The following CTDSPL variants were observed in gnomAD, a reference collection of about 807,000 sequenced individuals.
CTDSPL encodes CTD small phosphatase like.
Under a neutral mutation model 30.5 loss-of-function variants are expected in CTDSPL, and 8 were observed. That is an observed-to-expected ratio of 0.26 (90% CI 0.15 to 0.47). The LOEUF (loss-of-function observed/expected upper bound fraction) is 0.47. Among genes scored for constraint, CTDSPL ranks in the 20% least tolerant of loss-of-function variants. The pLI is 0.99. For missense variants in CTDSPL, 248 were observed against 366.1 expected, an observed-to-expected ratio of 0.68 and a Z score of 2.63; for synonymous variants, 110 against 137.9, an observed-to-expected ratio of 0.80 and a Z score of 1.42.
At position 37,980,989 on chromosome 3, in the gene CTDSPL, A is replaced by G. The variant is rs1472657231; in HGVS notation, c.*122A>G. 4 of 1,188,102 alleles carry G rather than the reference A, an allele frequency of 3.4e-6. No individual in the cohort carries two copies. Among genetic ancestry groups the G allele is most frequent in the African/African-American group, 3.1e-5 (2 of 64,860 alleles). 73.6% of individuals were successfully genotyped at this position (1,188,102 alleles called of 1,614,324 possible). The stretch of plus-strand genomic sequence containing the variant: ...ACTCCGTGCTCCAGGCCACAGGGTG[A>G]ATGTGGCCATGCCTACCTGTTTTGT... On this transcript the variant is annotated 3_prime_UTR_variant, in exon 8 of 8. Coordinates refer to ENST00000273179, the MANE Select transcript of CTDSPL (RefSeq NM_001008392.2).
intron 1 of CTDSPL, among the ~76,000 whole-genome samples, chr3:37,881,435 A>C (rs961722076): frequency 6.6e-6 from 1 of 152,186 alleles, no homozygotes; most frequent in African/African-American, 2.4e-5. Flanking sequence ...AGGCTGAGGC[A>C]GGAGAATCGC....
At position 37,984,333 on chromosome 3, in the gene CTDSPL, A is replaced by G. The variant is rs1316467036; in HGVS notation, c.*3466A>G. The stretch of plus-strand genomic sequence containing the variant: ...GGGTAGTCATGGATTTCTGCTGGAC[A>G]TTTGAATGTGATAAACAATCCAGCA... On this transcript the variant is annotated 3_prime_UTR_variant, in exon 8 of 8. Transcript: ENST00000273179. The G allele has an allele frequency of 4.4e-6, 2 of 456,382 alleles. No homozygotes were observed. The highest frequency in any genetic ancestry group is 8.8e-6 in the Non-Finnish European group (2 of 226,866). The allele number at this position is 456,382 out of a possible 1,614,324, so 28.3% of individuals were successfully genotyped here. A position where few individuals can be genotyped will look rare whatever the true frequency, so the allele number is the denominator to read the frequency against.
intron 3 of CTDSPL, among the ~76,000 whole-genome samples, chr3:37,961,265 TTAGGGCCTTCCTTAGTGGGAAGCTTCA>T (rs1429700822): frequency 6.6e-6 from 1 of 152,218 alleles, no homozygotes; most frequent in Admixed American, 6.5e-5. Flanking sequence ...GAGCCAGGAT[TTAGGGCCTTCCTTAGTGGGAAGCTTCA>T]TGGGCTGTTT....
chr3:37,976,280 G>A (rs879277869), intron 7 of CTDSPL, among the ~76,000 whole-genome samples: 8 of 152,232 alleles, frequency 5.3e-5, no homozygotes, highest in South Asian at 4.1e-4. Flanking sequence ...CAGCTACTGC[G>A]TAGGACTTCA....
chr3:37,862,950 A>G lies in CTDSPL; in HGVS notation c.79+672A>G, dbSNP rs142367589. 1.3e-5 allele frequency among the ~76,000 whole-genome samples: 2 copies of G among 152,296 alleles called. No individual in the cohort carries two copies. The highest frequency in any genetic ancestry group is 2.9e-5 in the Non-Finnish European group (2 of 68,022). On this transcript the variant is annotated intron_variant, in intron 1 of 7. Coordinates refer to ENST00000273179, the MANE Select transcript of CTDSPL (RefSeq NM_001008392.2). This position sits in a 1 kb window ranked among gnomAD's most constrained non-coding sequence, Gnocchi z 4.3. ...GGGCGTGTGTGTGTGTAAATTGTAT[A>G]CAATGAGGCTGTGTGCATCAGTGCA...
intron 1 of CTDSPL, among the ~76,000 whole-genome samples, chr3:37,893,825 G>C (rs1267043857): frequency 1.3e-5 from 2 of 152,250 alleles, no homozygotes; most frequent in Middle Eastern, 3.4e-3. Flanking sequence ...ACACTATTCA[G>C]TATTAAAGAA....
At chr3:37,977,574 AT>A (rs925724763) in intron 7 of CTDSPL, among the ~76,000 whole-genome samples, 7,136 of 139,930 alleles carry the variant, frequency 0.051, 153 homozygotes, top group African/African-American at 0.062. Flanking sequence ...ATTAGATTCG[AT>A]TTTTTTTTTT....
chr3:37,879,317 C>G (rs908461026), intron 1 of CTDSPL, among the ~76,000 whole-genome samples: 2 of 152,206 alleles, frequency 1.3e-5, no homozygotes, highest in Non-Finnish European at 2.9e-5. Flanking sequence ...TGGCTAACAT[C>G]CTTTTCTACC....
At chr3:37,881,956 C>T (rs1165108279) in intron 1 of CTDSPL, among the ~76,000 whole-genome samples, 1 of 152,134 alleles carries the variant, frequency 6.6e-6, no homozygotes, top group Non-Finnish European at 1.5e-5. Context: ...TTTGCTAGAG[C>T]TGGGTAGTTC....
chr3:37,966,169 C>G (rs1699296643), intron 4 of CTDSPL, among the ~76,000 whole-genome samples: 1 of 152,244 alleles, frequency 6.6e-6, no homozygotes, highest in African/African-American at 2.4e-5. Context: ...TGGTAGCCCC[C>G]AGTGTCTCTA....
intron 1 of CTDSPL, among the ~76,000 whole-genome samples, chr3:37,879,168 A>G (rs1302110660): frequency 6.6e-6 from 1 of 152,230 alleles, no homozygotes; most frequent in Non-Finnish European, 1.5e-5. Context: ...AAACTTTCCT[A>G]AGAGTGAAGT....
chr3:37,883,916 T>G (rs1242562302), intron 1 of CTDSPL, among the ~76,000 whole-genome samples: 1 of 152,244 alleles, frequency 6.6e-6, no homozygotes, highest in Non-Finnish European at 1.5e-5. Context: ...CTGTAGAATC[T>G]ATAACAGTGT....
intron 1 of CTDSPL, among the ~76,000 whole-genome samples, chr3:37,880,278 CG>C (rs1559623278): frequency 6.6e-6 from 1 of 151,970 alleles, no homozygotes; most frequent in African/African-American, 2.4e-5. Flanking sequence ...CAAATAGTAG[CG>C]CCAGGAGGCA....
chr3:37,901,282 G>T (rs1321080443), intron 1 of CTDSPL, among the ~76,000 whole-genome samples: 3 of 152,156 alleles, frequency 2.0e-5, no homozygotes, highest in Non-Finnish European at 4.4e-5. Context: ...GAACAGGAAG[G>T]GAGAACTCAG....
chr3:37,868,446 T>C (rs934333530), intron 1 of CTDSPL, among the ~76,000 whole-genome samples: 1 of 152,130 alleles, frequency 6.6e-6, no homozygotes, highest in Non-Finnish European at 1.5e-5. Flanking sequence ...TTTCCTTTTA[T>C]TGATTGTGCT....
chr3:37,883,299 C>A (rs1048003725), intron 1 of CTDSPL, among the ~76,000 whole-genome samples: 1 of 152,220 alleles, frequency 6.6e-6, no homozygotes, highest in Non-Finnish European at 1.5e-5. Flanking sequence ...GGAGCACTGG[C>A]TCCCCCGTGG....
chr3:37,884,070 A>G lies in CTDSPL; in HGVS notation c.79+21792A>G, dbSNP rs1424021883. ...CTAGAAAACAGTGTATATCAAACAT[A>G]AAATGTTAGTATATTTCATCCAACA... On this transcript the variant is annotated intron_variant, in intron 1 of 7. Transcript: ENST00000273179. Among the ~76,000 whole-genome samples, 6 of 152,336 alleles carry G rather than the reference A, an allele frequency of 3.9e-5. No homozygotes were observed. The East Asian group carries it at 1.2e-3, about 29-fold the overall frequency.
intron 1 of CTDSPL, among the ~76,000 whole-genome samples, chr3:37,906,757 G>A (rs1056518523): frequency 1.3e-5 from 2 of 152,164 alleles, no homozygotes; most frequent in Non-Finnish European, 2.9e-5. Flanking sequence ...TGGGGAGAGG[G>A]TAAGGGACAA....
chr3:37,933,259 A>G (rs1698877451), intron 1 of CTDSPL, among the ~76,000 whole-genome samples: 1 of 152,080 alleles, frequency 6.6e-6, no homozygotes, highest in Non-Finnish European at 1.5e-5. Flanking sequence ...TTAATACATG[A>G]TATAAAATTC....
Sources: allele counts gnomAD v4.1 joint callset (sites outside exome capture counted in the v4.1 genomes callset), GRCh38; gene constraint gnomAD v4.1.1; non-coding constraint Gnocchi (gnomAD v3.1); transcripts MANE v1.5; gene names NCBI Gene and HGNC (gene_info 2026-07-23, HGNC 2026-07-21).